Variants in NAF1 observed in about 807,000 individuals in gnomAD.
NAF1 encodes H/ACA ribonucleoprotein complex non-core subunit NAF1.
A neutral mutation model predicts 40.6 loss-of-function variants in NAF1; 11 were observed. That is an observed-to-expected ratio of 0.27 (90% CI 0.17 to 0.45). The LOEUF (loss-of-function observed/expected upper bound fraction) is 0.45. NAF1 is among the 20% of genes least tolerant of loss of function. The pLI is 1.00. For missense variants in NAF1, 607 were observed against 611.1 expected (o/e 0.99, Z 0.07); for synonymous variants, 260 against 228.5 (o/e 1.14, Z -1.24).
In NAF1 at chr4:163,129,219, C is replaced by T. The variant is rs758438962; in HGVS notation, c.1163G>A (p.Gly388Asp). ...SRARYPRSCH[G>D]RPPPQHFYNS... ...ATAGAAATGCTGAGGTGGAGGCCTG[C>T]CATGGCAAGATCGAGGGTATCTGGC... is the stretch of plus-strand genomic sequence containing the variant. Residue 388 changes from glycine (G) to aspartate (D), a missense_variant, in exon 8 of 8, where the codon GGC becomes GAC. Physicochemically the swap from Gly to Asp is moderately conservative, Grantham distance 94. Coordinates refer to ENST00000274054, the MANE Select transcript of NAF1 (RefSeq NM_138386.3). 3.1e-5 allele frequency: 50 copies of T among 1,613,798 alleles called. No individual in the cohort carries two copies. In the Admixed American group the frequency reaches 8.2e-4, roughly 26 times the overall value.
Position 163,145,829 on chromosome 4 carries a change from T to C in NAF1, c.670A>G (p.Asn224Asp). The C allele has an allele frequency of 6.3e-7, 1 of 1,584,094 alleles. No homozygotes were observed. Among genetic ancestry groups the C allele is most frequent in the Non-Finnish European group, 8.6e-7 (1 of 1,158,670 alleles). Residue 224 changes from asparagine (N) to aspartate (D), a missense_variant, in exon 4 of 8, where the codon AAT becomes GAT. Transcript: ENST00000274054. ...CTTTTAAAAATTACAGTCTCCTCAT[T>C]AACTGGAGGTAGGTTAGTCATAGAT... ...IESMTNLPPV[N>D]EETVIFKSDR...
At chr4:163,107,317 G>A (rs971511657), downstream of NAF1, among the ~76,000 whole-genome samples, 1 of 152,176 alleles carries the variant, frequency 6.6e-6, no homozygotes. Flanking sequence ...ACGTCATTTT[G>A]CTAGTAAAGG....
At position 163,145,973 on chromosome 4, in the gene NAF1, G is replaced by A. The variant is rs140652021; in HGVS notation, c.635-109C>T. On this transcript the variant is annotated intron_variant, in intron 3 of 7. Transcript: ENST00000274054. ...TAATTTAAAAAAAAATTGAAGGTGGGATTATTACCTCATTAACCATTTTCT... is the reference window on the plus strand; with the variant it reads ...TAATTTAAAAAAAAATTGAAGGTGGAATTATTACCTCATTAACCATTTTCT... 1.4e-3 allele frequency: 829 copies of A among 590,442 alleles called. 11 individuals are homozygous for A. Among genetic ancestry groups the A allele is most frequent in the South Asian group, 0.014 (557 of 40,494 alleles). The allele number at this position is 590,442 out of a possible 1,614,324, so 36.6% of individuals were successfully genotyped here. A position where few individuals can be genotyped will look rare whatever the true frequency, so the allele number is the denominator to read the frequency against.
At chr4:163,105,476 A>G (rs960037260), downstream of NAF1, among the ~76,000 whole-genome samples, 1 of 152,256 alleles carries the variant, frequency 6.6e-6, no homozygotes, top group Non-Finnish European at 1.5e-5. Context: ...TGAAGCTGTT[A>G]TCTGTGACCC....
chr4:163,123,813 T>A (rs1730579491), downstream of NAF1, among the ~76,000 whole-genome samples: 2 of 152,236 alleles, frequency 1.3e-5, no homozygotes, highest in African/African-American at 4.8e-5. Flanking sequence ...CCTACCTTAT[T>A]ATATAGTAAA....
chr4:163,164,137 A>T (rs1054440117), intron 2 of NAF1, 80 bp downstream of exon 2: 24 of 1,364,392 alleles, frequency 1.8e-5, no homozygotes, highest in Non-Finnish European at 2.3e-5. Context: ...TGGAGCAGAT[A>T]TAGGCAAAAT....
At chr4:163,152,135 T>C (rs11934575) in intron 2 of NAF1, among the ~76,000 whole-genome samples, 5,512 of 152,310 alleles carry the variant, frequency 0.036, 358 homozygotes, top group African/African-American at 0.13. Context: ...ACAGTGGACA[T>C]TGCTAATAGG....
downstream of NAF1, among the ~76,000 whole-genome samples, chr4:163,106,282 C>A (rs943294048): frequency 6.6e-6 from 1 of 152,084 alleles, no homozygotes; most frequent in Non-Finnish European, 1.5e-5. Context: ...TTAAAGTATG[C>A]CAAACATCCT....
chr4:163,131,459 T>C (rs1730871169), intron 7 of NAF1, among the ~76,000 whole-genome samples: 1 of 152,132 alleles, frequency 6.6e-6, no homozygotes, highest in South Asian at 2.1e-4. Context: ...GTAGAGAAGA[T>C]TCTAAAATTT....
chr4:163,118,509 T>C (rs537328404), intron 2 of NAF1, among the ~76,000 whole-genome samples: 2 of 152,318 alleles, frequency 1.3e-5, no homozygotes, highest in Admixed American at 6.5e-5. Flanking sequence ...TCCCAGCACT[T>C]TGGGATGCCA....
intron 6 of NAF1, among the ~76,000 whole-genome samples, chr4:163,133,903 G>A (rs990296336): frequency 6.6e-6 from 1 of 152,058 alleles, no homozygotes; most frequent in Non-Finnish European, 1.5e-5. Flanking sequence ...TTAGCCTCCT[G>A]AGTAGCTGGG....
chr4:163,148,495 T>A (rs1002764572), intron 2 of NAF1, 61 bp from the exon 3 acceptor site: 101 of 1,187,674 alleles, frequency 8.5e-5, no homozygotes, highest in Non-Finnish European at 1.2e-4. Flanking sequence ...TTAAAAAAAA[T>A]AAATTTTCCA....
At chr4:163,164,465 A>C in intron 1 of NAF1, 74 bp from the exon 2 acceptor site, 1 of 1,076,200 alleles carries the variant, frequency 9.3e-7, no homozygotes, top group East Asian at 3.1e-5. Flanking sequence ...TATTCAATTA[A>C]GAAATATCAA....
intron 2 of NAF1, among the ~76,000 whole-genome samples, chr4:163,160,470 T>C (rs1288656233): frequency 1.3e-5 from 2 of 148,732 alleles, no homozygotes. Context: ...AATCATAAAG[T>C]TATTTCACTG....
chr4:163,165,888 G>C (rs1732437329), intron 1 of NAF1, among the ~76,000 whole-genome samples: 1 of 151,584 alleles, frequency 6.6e-6, no homozygotes, highest in Non-Finnish European at 1.5e-5. Context: ...ATAAATTAAC[G>C]TAATCATCAA....
intron 7 of NAF1, among the ~76,000 whole-genome samples, chr4:163,132,741 G>C (rs1179803337): frequency 2.0e-5 from 3 of 152,208 alleles, no homozygotes; most frequent in Non-Finnish European, 4.4e-5. Context: ...AGGGCATACA[G>C]CACCTCTCCT....
intron 2 of NAF1, among the ~76,000 whole-genome samples, chr4:163,117,883 G>T (rs1056561601): frequency 6.6e-6 from 1 of 151,968 alleles, no homozygotes; most frequent in African/African-American, 2.4e-5. Context: ...CCAAATTTTG[G>T]TGTCATCTGA....
At chr4:163,164,619 A>C (rs6536705) in intron 1 of NAF1, among the ~76,000 whole-genome samples, 118,375 of 152,098 alleles carry the variant, frequency 0.78, 46,106 homozygotes, top group South Asian at 0.84. Context: ...GGAAAGTAGT[A>C]TTTAGTTTAC....
intron 4 of NAF1, 44 bp from the exon 5 acceptor site, chr4:163,140,427 T>C: frequency 1.3e-6 from 2 of 1,513,956 alleles, no homozygotes; most frequent in Non-Finnish European, 1.8e-6. Flanking sequence ...GTAAAATAAC[T>C]ATTTGAAAAG....
Sources: gnomAD v4.1 joint callset for allele counts (sites outside exome capture counted in the v4.1 genomes callset) on GRCh38, gnomAD v4.1.1 for gene constraint, MANE v1.5 for transcripts, NCBI Gene and HGNC (gene_info 2026-07-23, HGNC 2026-07-21) for gene names.